DLEU7: variants seen among roughly 807,000 people sequenced by gnomAD.
DLEU7 encodes the protein deleted in lymphocytic leukemia 7.
DLEU7 carries 17 observed loss-of-function variants against 16.0 expected under a neutral mutation model. The ratio of observed to expected loss-of-function variants is 1.06; its 90% CI spans 0.73 to 1.59. The LOEUF is 1.59. DLEU7 is among the 40% of genes most tolerant of loss of function. The probability of loss-of-function intolerance (pLI) is 0.00; values close to 1 mark genes in which losing one functional copy is unlikely to be tolerated. For missense variants in DLEU7, 308 were observed against 314.9 expected (o/e 0.98, Z 0.17); for synonymous variants, 113 against 139.8 (o/e 0.81, Z 1.35).
At chr13:50,834,200 TTAAAC>T (rs889383153) in intron 1 of DLEU7, among the ~76,000 whole-genome samples, 40 of 152,142 alleles carry the variant, frequency 2.6e-4, no homozygotes, top group African/African-American at 8.7e-4. Context: ...TAGGATCTAA[TTAAAC>T]TAAAGAGCTT....
At chr13:50,722,930 T>C (rs1208122636) in intron 1 of DLEU7, among the ~76,000 whole-genome samples, 4 of 152,216 alleles carry the variant, frequency 2.6e-5, no homozygotes, top group South Asian at 2.1e-4. Context: ...CAGCATTCCA[T>C]TGATCTTATT....
intron 1 of DLEU7, among the ~76,000 whole-genome samples, chr13:50,718,009 G>C (rs1490267750): frequency 6.6e-6 from 1 of 152,156 alleles, no homozygotes; most frequent in Admixed American, 6.5e-5. Flanking sequence ...AGCCTCATCA[G>C]CATCACATGG....
At chr13:50,780,115 G>A (rs1186081023) in intron 1 of DLEU7, among the ~76,000 whole-genome samples, 1 of 152,168 alleles carries the variant, frequency 6.6e-6, no homozygotes, top group Non-Finnish European at 1.5e-5. Context: ...TGGCAGAGGG[G>A]ATCAGGGATC....
intron 1 of DLEU7, among the ~76,000 whole-genome samples, chr13:50,732,831 C>G (rs1312664916): frequency 6.6e-6 from 1 of 152,064 alleles, no homozygotes; most frequent in African/African-American, 2.4e-5. Context: ...ACTGTTGAAA[C>G]ACAGTATGCA....
rs184170296 is a variant in DLEU7, at chr13:50,766,354, G to T, written c.460-53114C>A. Among the ~76,000 whole-genome samples the T allele has an allele frequency of 2.5e-3, 374 of 152,310 alleles. 2 individuals are homozygous for T. The highest frequency in any genetic ancestry group is 8.5e-3 in the African/African-American group (352 of 41,578). On this transcript the variant is annotated intron_variant, in intron 1 of 1. Transcript: ENST00000400393. The stretch of plus-strand genomic sequence containing the variant: ...CCAGCCTGGAGCCCTGCAGGCTCGT[G>T]CTGGGCTCTTAGCAGACTGCAAACA...
chr13:50,764,689 C>T (rs1488852077), intron 1 of DLEU7, among the ~76,000 whole-genome samples: 1 of 152,138 alleles, frequency 6.6e-6, no homozygotes, highest in South Asian at 2.1e-4. Flanking sequence ...GATGAAGGGG[C>T]AGTGTACTAT....
At chr13:50,752,381 G>A (rs902814436) in intron 1 of DLEU7, among the ~76,000 whole-genome samples, 3 of 151,876 alleles carry the variant, frequency 2.0e-5, no homozygotes, top group Non-Finnish European at 4.4e-5. Context: ...AGGCGTTTAG[G>A]GCTATGAACT....
At chr13:50,741,538 G>A (rs867585688) in intron 1 of DLEU7, among the ~76,000 whole-genome samples, 25 of 152,056 alleles carry the variant, frequency 1.6e-4, no homozygotes, top group African/African-American at 5.3e-4. Flanking sequence ...CAAAGTAAAG[G>A]CTCAGTACCT....
At chr13:50,742,099 A>T (rs1454984322) in intron 1 of DLEU7, among the ~76,000 whole-genome samples, 1 of 152,120 alleles carries the variant, frequency 6.6e-6, no homozygotes. Context: ...AATTTTTCTA[A>T]TATTACTTAA....
intron 1 of DLEU7, among the ~76,000 whole-genome samples, chr13:50,784,983 C>T (rs971362680): frequency 9.9e-5 from 15 of 152,082 alleles, no homozygotes; most frequent in African/African-American, 3.6e-4. Context: ...TGGGCTTTTA[C>T]TTGGGCTGCT....
chr13:50,714,806 A>G (rs887374393), intron 1 of DLEU7, among the ~76,000 whole-genome samples: 2 of 152,212 alleles, frequency 1.3e-5, no homozygotes, highest in Non-Finnish European at 2.9e-5. Context: ...GGAACATAGA[A>G]TGTATTAGTG....
At chr13:50,725,679 G>A (rs962385037) in intron 1 of DLEU7, among the ~76,000 whole-genome samples, 3 of 152,158 alleles carry the variant, frequency 2.0e-5, no homozygotes, top group East Asian at 1.9e-4. Context: ...TCAGGAGCGG[G>A]GGCATGGGAG....
intron 1 of DLEU7, among the ~76,000 whole-genome samples, chr13:50,760,053 C>T (rs1237239194): frequency 1.3e-5 from 2 of 152,182 alleles, no homozygotes; most frequent in Non-Finnish European, 2.9e-5. Flanking sequence ...CTTGAGTATA[C>T]ACTTTATGCA....
At chr13:50,766,290 T>C (rs1875105516) in intron 1 of DLEU7, among the ~76,000 whole-genome samples, 1 of 152,198 alleles carries the variant, frequency 6.6e-6, no homozygotes, top group African/African-American at 2.4e-5. Context: ...TCAGCACAGC[T>C]GCAGCGGCTG....
chr13:50,772,371 C>T (rs147876511), intron 1 of DLEU7, among the ~76,000 whole-genome samples: 2,422 of 152,216 alleles, frequency 0.016, 59 homozygotes, highest in African/African-American at 0.055. Context: ...CGATGGTCTT[C>T]ACAATTTGGC....
At chr13:50,800,423 G>A (rs1876216550) in intron 1 of DLEU7, among the ~76,000 whole-genome samples, 1 of 152,242 alleles carries the variant, frequency 6.6e-6, no homozygotes, top group South Asian at 2.1e-4. Context: ...TTGTATATCT[G>A]AGCTTTGAAC....
intron 1 of DLEU7, among the ~76,000 whole-genome samples, chr13:50,755,158 C>T (rs539250561): frequency 7.6e-4 from 115 of 152,304 alleles, no homozygotes; most frequent in African/African-American, 2.4e-3. Context: ...ACCCTGATGA[C>T]AATGTGTGTA....
chr13:50,760,239 C>T (rs898124716), intron 1 of DLEU7, among the ~76,000 whole-genome samples: 3 of 152,116 alleles, frequency 2.0e-5, no homozygotes, highest in Non-Finnish European at 2.9e-5. Flanking sequence ...TTAAGGATCC[C>T]TTGAATAATA....
At chr13:50,841,767 T>A (rs576836233) in intron 1 of DLEU7, among the ~76,000 whole-genome samples, 1 of 151,518 alleles carries the variant, frequency 6.6e-6, no homozygotes, top group Non-Finnish European at 1.5e-5. Context: ...TCCCTTAAAT[T>A]AGCATGTAAC....
Sources: gnomAD v4.1 joint callset for allele counts (sites outside exome capture counted in the v4.1 genomes callset) on GRCh38, gnomAD v4.1.1 for gene constraint, MANE v1.5 for transcripts, NCBI Gene and HGNC (gene_info 2026-07-23, HGNC 2026-07-21) for gene names.